CCDC91: variants seen among roughly 807,000 people sequenced by gnomAD.
CCDC91 encodes coiled-coil domain-containing protein 91.
In CCDC91, 48 loss-of-function variants were observed where a neutral mutation model predicts 63.2. The ratio of observed to expected loss-of-function variants is 0.76; its 90% CI spans 0.60 to 0.97. CCDC91 has a LOEUF of 0.97. Among genes scored for constraint, CCDC91 ranks in the 50% least tolerant of loss-of-function variants. The pLI is 0.00. For missense variants in CCDC91, 500 were observed against 494.6 expected, an observed-to-expected ratio of 1.01 and a Z score of -0.10; for synonymous variants, 167 against 165.8, an observed-to-expected ratio of 1.01 and a Z score of -0.06.
At chr12:28,438,151 C>A (rs1299504828) in intron 8 of CCDC91, among the ~76,000 whole-genome samples, 1 of 152,114 alleles carries the variant, frequency 6.6e-6, no homozygotes, top group Admixed American at 6.6e-5. Context: ...CTTTTCTCTG[C>A]TGCTATGGTA....
chr12:28,361,319 T>C (rs1943865897), intron 6 of CCDC91, among the ~76,000 whole-genome samples: 1 of 151,996 alleles, frequency 6.6e-6, no homozygotes, highest in Non-Finnish European at 1.5e-5. Context: ...CTCCTAAAGC[T>C]ATCTCTCCCC....
chr12:28,520,914 C>T (rs2141424496), intron 12 of CCDC91, among the ~76,000 whole-genome samples: 1 of 152,052 alleles, frequency 6.6e-6, no homozygotes, highest in Non-Finnish European at 1.5e-5. Context: ...GTGCTCTGTT[C>T]TGTTGCATTG....
chr12:28,235,849 G>C (rs1472509006), intron 1 of CCDC91, among the ~76,000 whole-genome samples: 2 of 151,910 alleles, frequency 1.3e-5, no homozygotes, highest in Non-Finnish European at 2.9e-5. Context: ...TTTTGTGTAT[G>C]AGGAGGTAAA....
intron 6 of CCDC91, among the ~76,000 whole-genome samples, chr12:28,345,823 C>G (rs1329343082): frequency 6.6e-6 from 1 of 152,004 alleles, no homozygotes; most frequent in Non-Finnish European, 1.5e-5. Flanking sequence ...CTAGGAGTTC[C>G]TTTATTCCTC....
intron 12 of CCDC91, among the ~76,000 whole-genome samples, chr12:28,494,174 C>T (rs113265255): frequency 2.6e-5 from 4 of 151,762 alleles, no homozygotes; most frequent in African/African-American, 9.6e-5. Context: ...CTCCACATAG[C>T]ATCTCAGTAA....
intron 7 of CCDC91, among the ~76,000 whole-genome samples, chr12:28,389,276 T>C (rs1945794610): frequency 6.6e-6 from 1 of 152,128 alleles, no homozygotes; most frequent in Admixed American, 6.6e-5. Context: ...TGTCTTCAAC[T>C]TCAGACTGGG....
chr12:28,275,593 AC>A (rs1282539817), intron 3 of CCDC91, among the ~76,000 whole-genome samples: 1 of 152,128 alleles, frequency 6.6e-6, no homozygotes, highest in Non-Finnish European at 1.5e-5. Context: ...TCAATAGAAA[AC>A]GAGGGAATCC....
At chr12:28,230,148 A>G (rs928673786) in intron 1 of CCDC91, among the ~76,000 whole-genome samples, 1 of 152,184 alleles carries the variant, frequency 6.6e-6, no homozygotes, top group Non-Finnish European at 1.5e-5. Flanking sequence ...CTTAATGTCC[A>G]TTTATGTATA....
intron 1 of CCDC91, among the ~76,000 whole-genome samples, chr12:28,218,842 A>G (rs1943744194): frequency 6.6e-6 from 1 of 152,214 alleles, no homozygotes; most frequent in East Asian, 1.9e-4. Context: ...GCTGAGTAAC[A>G]TTGTATGGAT....
At chr12:28,506,896 A>T (rs1938791759) in intron 12 of CCDC91, among the ~76,000 whole-genome samples, 1 of 151,994 alleles carries the variant, frequency 6.6e-6, no homozygotes, top group South Asian at 2.1e-4. Context: ...ACGATAAAAA[A>T]CATGGTATGT....
At chr12:28,190,705 G>A (rs2121113798) in intron 1 of CCDC91, 64 bp downstream of exon 1, 1 of 152,260 alleles carries the variant, frequency 6.6e-6, no homozygotes, top group East Asian at 1.9e-4. Context: ...GGCGAGCGGA[G>A]AGCGCCCCAC....
chr12:28,295,153 A>G (rs978206620), intron 3 of CCDC91, among the ~76,000 whole-genome samples: 5 of 152,082 alleles, frequency 3.3e-5, no homozygotes, highest in Non-Finnish European at 7.4e-5. Flanking sequence ...TTGGACCTCC[A>G]TTTGCAATTT....
chr12:28,382,306 T>C lies in CCDC91; in HGVS notation c.655-8998T>C, dbSNP rs368482640. Among the ~76,000 whole-genome samples the C allele has an allele frequency of 2.6e-5, 4 of 151,604 alleles. No homozygotes were observed. The East Asian group carries it at 7.7e-4, about 29-fold the overall frequency. On this transcript the variant is annotated intron_variant, in intron 7 of 12. Coordinates refer to ENST00000536442, the MANE Select transcript of CCDC91 (RefSeq NM_018318.5). ...TTTAAAATAATATTTATAATAAATT[T>C]TAAAATATTTATTTTAATCATCATA...
At chr12:28,460,093 C>CT (rs1950233494) in intron 11 of CCDC91, among the ~76,000 whole-genome samples, 1 of 152,120 alleles carries the variant, frequency 6.6e-6, no homozygotes, top group African/African-American at 2.4e-5. Flanking sequence ...AATTTGAGGA[C>CT]TTGCCTCCTC....
chr12:28,484,086 A>G lies in CCDC91; in HGVS notation c.1136A>G (p.Lys379Arg), dbSNP rs1951589869. Residue 379 changes from lysine to arginine, a missense_variant, in exon 12 of 13, where the codon AAA becomes AGA. Physicochemically the swap from Lys to Arg is conservative, Grantham distance 26. Coordinates refer to ENST00000536442, the MANE Select transcript of CCDC91 (RefSeq NM_018318.5). ...AAGGCAGCAATAATAGAAGAGCAGA[A>G]ACGAAGTGAAAAGGCTGTGGAAGAG... ...TVKAAIIEEQKRSEKAVEEAV... is the reference protein window; with the variant it reads ...TVKAAIIEEQRRSEKAVEEAV... 6.2e-7 allele frequency: 1 copy of G among 1,611,696 alleles called. No individual in the cohort carries two copies.
At chr12:28,537,430 T>C (rs1304178871) in intron 12 of CCDC91, among the ~76,000 whole-genome samples, 1 of 152,198 alleles carries the variant, frequency 6.6e-6, no homozygotes, top group Non-Finnish European at 1.5e-5. Flanking sequence ...TAGTGTCATT[T>C]ATTTAGTATT....
chr12:28,427,067 C>A (rs929779288), intron 8 of CCDC91, among the ~76,000 whole-genome samples: 1 of 152,112 alleles, frequency 6.6e-6, no homozygotes, highest in South Asian at 2.1e-4. Context: ...CAGAGACTTA[C>A]AGCTCTTTCA....
At chr12:28,545,613 T>C (rs1476382649) in intron 12 of CCDC91, among the ~76,000 whole-genome samples, 10 of 152,010 alleles carry the variant, frequency 6.6e-5, no homozygotes, top group Admixed American at 6.6e-4. Flanking sequence ...ACTTTCAGAG[T>C]GCTCTGGGGA....
At chr12:28,289,662 G>A (rs1410679382) in intron 3 of CCDC91, among the ~76,000 whole-genome samples, 2 of 150,600 alleles carry the variant, frequency 1.3e-5, no homozygotes, top group Admixed American at 1.3e-4. Flanking sequence ...CTGCTGTTTT[G>A]GGGTGGAGAG....
Sources: gnomAD v4.1 joint callset for allele counts (sites outside exome capture counted in the v4.1 genomes callset) on GRCh38, gnomAD v4.1.1 for gene constraint, MANE v1.5 for transcripts, NCBI Gene and HGNC (gene_info 2026-07-23, HGNC 2026-07-21) for gene names.